The following CAMK4 variants were observed in gnomAD, a reference collection of about 807,000 sequenced individuals.
CAMK4 encodes calcium/calmodulin-dependent protein kinase type IV.
In CAMK4, 22 loss-of-function variants were observed where a neutral mutation model predicts 44.9. That is an observed-to-expected ratio of 0.49 (90% CI 0.35 to 0.70). CAMK4 has a LOEUF of 0.70. Among genes scored for constraint, CAMK4 ranks in the 30% least tolerant of loss-of-function variants. The pLI, the probability that CAMK4 is intolerant of heterozygous loss-of-function variation, is 0.01. For synonymous variants in CAMK4, 218 were observed against 215.4 expected (o/e 1.01, Z -0.11); for missense variants, 498 against 586.8 (o/e 0.85, Z 1.56).
intron 6 of CAMK4, among the ~76,000 whole-genome samples, chr5:111,447,051 G>A (rs1039565091): frequency 2.0e-5 from 3 of 152,148 alleles, no homozygotes; most frequent in Non-Finnish European, 2.9e-5. Flanking sequence ...AGATGACCTT[G>A]TATTTTGTAA....
intron 1 of CAMK4, among the ~76,000 whole-genome samples, chr5:111,299,022 G>T (rs758028563): frequency 3.3e-5 from 5 of 152,224 alleles, no homozygotes; most frequent in Non-Finnish European, 7.3e-5. Flanking sequence ...GATCCTAGTA[G>T]TGAGCTGTTG....
rs1755632737 is a variant in CAMK4 at position 111,486,535 on chromosome 5, A to ACC, written c.*2070_*2071insCC. 1 of 143,830 alleles carries ACC rather than the reference A, an allele frequency of 7.0e-6. No homozygotes were observed. Among genetic ancestry groups the ACC allele is most frequent in the Non-Finnish European group, 1.5e-5 (1 of 67,040 alleles). 8.9% of individuals were successfully genotyped at this position (143,830 alleles called of 1,614,324 possible). ...CACACACACACACACACACACACACACACACACGTGTTGGAAGAGCAAAGA... is the reference window on the plus strand; with the variant it reads ...CACACACACACACACACACACACACACCCACACACGTGTTGGAAGAGCAAAGA... On this transcript the variant is annotated 3_prime_UTR_variant, in exon 11 of 11. Transcript: ENST00000282356.
At chr5:111,310,121 G>A (rs750719657) in intron 1 of CAMK4, among the ~76,000 whole-genome samples, 12 of 151,962 alleles carry the variant, frequency 7.9e-5, no homozygotes, top group South Asian at 2.1e-4. Flanking sequence ...ATTCAACCTC[G>A]TTTTGGGGGT....
chr5:111,474,234 T>C (rs892210661), intron 8 of CAMK4, among the ~76,000 whole-genome samples: 1 of 152,234 alleles, frequency 6.6e-6, no homozygotes, highest in Non-Finnish European at 1.5e-5. Context: ...TGAAAGTAGG[T>C]ATACTAGTCT....
chr5:111,281,140 G>A (rs993820078), intron 1 of CAMK4, among the ~76,000 whole-genome samples: 2 of 152,132 alleles, frequency 1.3e-5, no homozygotes, highest in South Asian at 4.2e-4. Flanking sequence ...TAGTTTGCTA[G>A]GTGTCAAGAG....
chr5:111,310,908 C>G (rs1293000297), intron 1 of CAMK4, among the ~76,000 whole-genome samples: 1 of 152,100 alleles, frequency 6.6e-6, no homozygotes, highest in Non-Finnish European at 1.5e-5. Context: ...CTGTGTTCAT[C>G]TGACAGCAGT....
chr5:111,405,493 C>T (rs559274991), intron 5 of CAMK4, among the ~76,000 whole-genome samples: 32 of 151,950 alleles, frequency 2.1e-4, no homozygotes, highest in Non-Finnish European at 3.2e-4. Flanking sequence ...AAAAAAAAGA[C>T]GAAGTTTATT....
intron 2 of CAMK4, among the ~76,000 whole-genome samples, chr5:111,369,157 C>T (rs1393416809): frequency 6.6e-6 from 1 of 151,716 alleles, no homozygotes; most frequent in East Asian, 1.9e-4. Context: ...CCTCCACCTC[C>T]TGGGTTCAAG....
intron 7 of CAMK4, among the ~76,000 whole-genome samples, chr5:111,465,379 C>T (rs1169380953): frequency 6.6e-6 from 1 of 151,400 alleles, no homozygotes; most frequent in Non-Finnish European, 1.5e-5. Flanking sequence ...GAAATGGAAA[C>T]AAACCAAAAA....
In CAMK4 at chr5:111,410,363, G is replaced by T. The variant is rs372604328; in HGVS notation, c.459+15581G>T. Among the ~76,000 whole-genome samples the T allele has an allele frequency of 2.6e-5, 4 of 152,244 alleles. No homozygotes were observed. The East Asian group carries it at 7.7e-4, about 29-fold the overall frequency. On this transcript the variant is annotated intron_variant, in intron 5 of 10. Coordinates refer to ENST00000282356, the MANE Select transcript of CAMK4 (RefSeq NM_001744.6). ...TCTCATGAGACTTATTCGCTACCAC[G>T]AGAACAGTATGGGGAACTGCCCCCA... is the stretch of plus-strand genomic sequence containing the variant.
chr5:111,469,698 T>C (rs1754996009), intron 7 of CAMK4, among the ~76,000 whole-genome samples: 1 of 152,148 alleles, frequency 6.6e-6, no homozygotes, highest in African/African-American at 2.4e-5. Context: ...TGAGTCCCCA[T>C]AGGGCAGCAT....
At chr5:111,275,591 T>C (rs1750726287) in intron 1 of CAMK4, among the ~76,000 whole-genome samples, 1 of 152,114 alleles carries the variant, frequency 6.6e-6, no homozygotes, top group South Asian at 2.1e-4. Context: ...ATGTCTTTAT[T>C]TTGCTTTTAA....
chr5:111,458,544 A>G (rs1754501929), intron 7 of CAMK4, among the ~76,000 whole-genome samples: 1 of 151,118 alleles, frequency 6.6e-6, no homozygotes, highest in Non-Finnish European at 1.5e-5. Context: ...GACCAAAAGA[A>G]CTCTTCCTTA....
chr5:111,271,952 A>G (rs934793119), intron 1 of CAMK4, among the ~76,000 whole-genome samples: 7 of 152,150 alleles, frequency 4.6e-5, no homozygotes, highest in African/African-American at 1.7e-4. Flanking sequence ...CTCTCCCGCG[A>G]TTCTTGAATA....
At chr5:111,330,218 T>G (rs1241466794) in intron 1 of CAMK4, among the ~76,000 whole-genome samples, 2 of 151,088 alleles carry the variant, frequency 1.3e-5, no homozygotes, top group Non-Finnish European at 3.0e-5. Flanking sequence ...CAAACACCCA[T>G]AAAAGAAAAT....
chr5:111,358,954 C>T (rs1315884445), intron 2 of CAMK4, among the ~76,000 whole-genome samples: 2 of 152,106 alleles, frequency 1.3e-5, no homozygotes, highest in Admixed American at 6.6e-5. Flanking sequence ...ATATGTACCA[C>T]ATTTTCTTTA....
intron 5 of CAMK4, among the ~76,000 whole-genome samples, chr5:111,427,053 C>T (rs959669721): frequency 6.6e-6 from 1 of 152,112 alleles, no homozygotes; most frequent in African/African-American, 2.4e-5. Context: ...CATCACCCCT[C>T]CTCTAACCCC....
At chr5:111,406,514 G>A (rs568114856) in intron 5 of CAMK4, among the ~76,000 whole-genome samples, 27 of 137,804 alleles carry the variant, frequency 2.0e-4, no homozygotes, top group African/African-American at 3.5e-4. Flanking sequence ...GTGAGCCTCC[G>A]TACCTGGCCA....
intron 1 of CAMK4, among the ~76,000 whole-genome samples, chr5:111,274,908 A>G (rs1443229386): frequency 1.3e-5 from 2 of 152,110 alleles, no homozygotes; most frequent in Non-Finnish European, 2.9e-5. Flanking sequence ...TTATAAGCCT[A>G]TGTAATGAAA....
Sources: gnomAD v4.1 joint callset for allele counts (sites outside exome capture counted in the v4.1 genomes callset) on GRCh38, gnomAD v4.1.1 for gene constraint, MANE v1.5 for transcripts, NCBI Gene and HGNC (gene_info 2026-07-23, HGNC 2026-07-21) for gene names.